UBE4B: variants seen among roughly 807,000 people sequenced by gnomAD.
The protein encoded by UBE4B is ubiquitination factor E4B, also known as ubiquitin conjugation factor E4 B.
Under a neutral mutation model 148.1 loss-of-function variants are expected in UBE4B, and 27 were observed. The observed-to-expected ratio is 0.18, with a 90% CI of 0.13 to 0.25. The LOEUF (loss-of-function observed/expected upper bound fraction) is 0.25. UBE4B is among the 10% of genes least tolerant of loss of function. UBE4B has a pLI of 1.00. For missense variants in UBE4B, 1,170 were observed against 1,662.4 expected (o/e 0.70, Z 5.15); for synonymous variants, 596 against 619.3 (o/e 0.96, Z 0.56).
chr1:10,177,319 A>G (rs956913840), intron 25 of UBE4B, among the ~76,000 whole-genome samples: 3 of 151,918 alleles, frequency 2.0e-5, no homozygotes, highest in African/African-American at 7.2e-5. Flanking sequence ...CAGGAGATCG[A>G]GACCAGCCTG....
At chr1:10,115,095 C>G (rs921075448) in intron 7 of UBE4B, among the ~76,000 whole-genome samples, 1 of 151,646 alleles carries the variant, frequency 6.6e-6, no homozygotes, top group Admixed American at 6.6e-5. Flanking sequence ...TTACTAGACT[C>G]TGGGCTGAAC....
At chr1:10,066,706 G>A (rs985319138) in intron 1 of UBE4B, among the ~76,000 whole-genome samples, 1 of 152,038 alleles carries the variant, frequency 6.6e-6, no homozygotes, top group African/African-American at 2.4e-5. Flanking sequence ...AGGAGTTTGA[G>A]ACCAGCCTGA....
chr1:10,063,831 C>T (rs866190239), intron 1 of UBE4B, among the ~76,000 whole-genome samples: 4 of 151,502 alleles, frequency 2.6e-5, no homozygotes, highest in Non-Finnish European at 4.4e-5. Flanking sequence ...TCGCTTGAAC[C>T]AGGGAGGCAG....
intron 1 of UBE4B, among the ~76,000 whole-genome samples, chr1:10,039,093 AAAAC>A (rs142086424): frequency 0.083 from 12,660 of 152,018 alleles, 786 homozygotes; most frequent in African/African-American, 0.17. Flanking sequence ...CACACACAGA[AAAAC>A]AAACAAAAAA....
intron 2 of UBE4B, among the ~76,000 whole-genome samples, chr1:10,082,949 G>A (rs1369387528): frequency 6.6e-6 from 1 of 151,958 alleles, no homozygotes; most frequent in Non-Finnish European, 1.5e-5. Flanking sequence ...GAGGATGGTG[G>A]CTTCCACCTT....
At chr1:10,126,441 T>C (rs1645499599) in intron 10 of UBE4B, among the ~76,000 whole-genome samples, 1 of 152,238 alleles carries the variant, frequency 6.6e-6, no homozygotes, top group Non-Finnish European at 1.5e-5. Context: ...TGCTGAGATG[T>C]GCAGAATTTA....
At position 10,168,891 on chromosome 1, in the gene UBE4B, C is replaced by CA. The variant is rs750260003; in HGVS notation, c.3333+637dup. ...TGGGCGACAGAGTGAGACTCCATCT[C>CA]AAAAAAAAAAAAAAAAGAAGAAGAA... On this transcript the variant is annotated intron_variant, in intron 24 of 27. Transcript: ENST00000343090. This position sits in a 1 kb window ranked among gnomAD's most constrained non-coding sequence, Gnocchi z 4.9. 0.043 allele frequency among the ~76,000 whole-genome samples: 2,621 copies of CA among 61,318 alleles called. 70 individuals are homozygous for CA. The highest frequency in any genetic ancestry group is 0.13 in the African/African-American group (2,264 of 17,786). 40.2% of individuals were successfully genotyped at this position (61,318 alleles called of 152,430 possible).
At chr1:10,157,831 T>G (rs1211090522) in intron 21 of UBE4B, among the ~76,000 whole-genome samples, 1 of 152,158 alleles carries the variant, frequency 6.6e-6, no homozygotes, top group Non-Finnish European at 1.5e-5. Context: ...TTCTCATGCC[T>G]AAGCTTTTGC....
chr1:10,036,736 T>C (rs956815198), intron 1 of UBE4B, among the ~76,000 whole-genome samples: 2 of 152,200 alleles, frequency 1.3e-5, no homozygotes, highest in African/African-American at 4.8e-5. Context: ...TGTTACTCTG[T>C]AGTTGAAAAC....
At chr1:10,169,337 C>G (rs75611566) in intron 24 of UBE4B, among the ~76,000 whole-genome samples, 3,484 of 152,276 alleles carry the variant, frequency 0.023, 77 homozygotes, top group South Asian at 0.073. Flanking sequence ...TCTGTATTTG[C>G]TCTTACCTTC....
intron 5 of UBE4B, 61 bp downstream of exon 5, chr1:10,103,153 T>C: frequency 6.1e-6 from 9 of 1,483,800 alleles, no homozygotes; most frequent in Non-Finnish European, 8.2e-6. Context: ...AGATGTGAGA[T>C]CTTTGCCCTC....
intron 1 of UBE4B, among the ~76,000 whole-genome samples, chr1:10,061,335 A>C (rs755228201): frequency 2.0e-5 from 3 of 151,690 alleles, no homozygotes; most frequent in Non-Finnish European, 4.4e-5. Context: ...GCCCACTACA[A>C]CCTCCGTTTC....
At chr1:10,096,369 C>T (rs1047940346) in intron 3 of UBE4B, among the ~76,000 whole-genome samples, 1 of 152,050 alleles carries the variant, frequency 6.6e-6, no homozygotes, top group African/African-American at 2.4e-5. Flanking sequence ...GCAAGTCAGA[C>T]TCCTTGGACC....
At chr1:10,166,788 G>A (rs1289398625) in intron 23 of UBE4B, among the ~76,000 whole-genome samples, 1 of 151,998 alleles carries the variant, frequency 6.6e-6, no homozygotes, top group African/African-American at 2.4e-5. Flanking sequence ...AGTCAAGCAT[G>A]GTGGCACGCA....
At chr1:10,074,475 G>A (rs551832672) in intron 2 of UBE4B, among the ~76,000 whole-genome samples, 52 of 152,074 alleles carry the variant, frequency 3.4e-4, no homozygotes, top group African/African-American at 1.2e-3. Context: ...CTTTGCAGCA[G>A]AACTTCCGGA....
At chr1:10,110,090 G>A (rs1024779577) in intron 7 of UBE4B, among the ~76,000 whole-genome samples, 1 of 152,148 alleles carries the variant, frequency 6.6e-6, no homozygotes, top group Middle Eastern at 3.2e-3. Context: ...TTACTCTGAA[G>A]TAAGCAATTT....
chr1:10,066,392 G>A (rs906862710), intron 1 of UBE4B, among the ~76,000 whole-genome samples: 1 of 151,706 alleles, frequency 6.6e-6, no homozygotes, highest in African/African-American at 2.4e-5. Context: ...GCCTCCCAGA[G>A]TGCTGAGATT....
intron 25 of UBE4B, among the ~76,000 whole-genome samples, chr1:10,175,323 T>A (rs1349424444): frequency 6.6e-6 from 1 of 151,454 alleles, no homozygotes; most frequent in Non-Finnish European, 1.5e-5. Context: ...CATTTTCCAT[T>A]AAAAAAGAAA....
chr1:10,096,034 G>A (rs1644923730), intron 3 of UBE4B, among the ~76,000 whole-genome samples: 1 of 152,124 alleles, frequency 6.6e-6, no homozygotes, highest in Non-Finnish European at 1.5e-5. Context: ...GCCTCCCAAA[G>A]GACTGGGATT....
Sources: gnomAD v4.1 joint callset for allele counts (sites outside exome capture counted in the v4.1 genomes callset) on GRCh38, gnomAD v4.1.1 for gene constraint, Gnocchi (gnomAD v3.1) non-coding constraint, MANE v1.5 for transcripts, NCBI Gene and HGNC (gene_info 2026-07-23, HGNC 2026-07-21) for gene names.